Variants in SI observed in about 807,000 individuals in gnomAD.
SI encodes sucrase-isomaltase.
In SI, 235 loss-of-function variants were observed where a neutral mutation model predicts 253.3. That is an observed-to-expected ratio of 0.93 (90% confidence interval 0.83 to 1.03). The LOEUF is 1.03. Among genes scored for constraint, SI ranks in the 50% least tolerant of loss-of-function variants. The probability of loss-of-function intolerance (pLI) is 0.00; values close to 1 mark genes in which losing one functional copy is unlikely to be tolerated. For synonymous variants in SI, 819 were observed against 712.0 expected (o/e 1.15, Z -2.39); for missense variants, 2,442 against 2,211.1 (o/e 1.10, Z -2.09).
At chr3:165,039,454 T>C (rs926403679) in intron 19 of SI, among the ~76,000 whole-genome samples, 47 of 152,108 alleles carry the variant, frequency 3.1e-4, no homozygotes, top group Non-Finnish European at 1.3e-4. Context: ...AATGGACACA[T>C]GCACCTTTTA....
the SI span, among the ~76,000 whole-genome samples, chr3:165,089,172 A>C: frequency 1.3e-5 from 2 of 151,856 alleles, no homozygotes; most frequent in Non-Finnish European, 2.9e-5. Context: ...GGCAAATTTA[A>C]ATCAGAAGAT....
At chr3:165,001,574 A>G (rs1258826267) in intron 37 of SI, among the ~76,000 whole-genome samples, 1 of 151,472 alleles carries the variant, frequency 6.6e-6, no homozygotes, top group African/African-American at 2.4e-5. Context: ...TATATCATGG[A>G]AAGAGTTTTA....
intron 46 of SI, 85 bp from the exon 47 acceptor site, chr3:164,982,495 T>C: frequency 2.1e-6 from 2 of 944,712 alleles, no homozygotes; most frequent in Non-Finnish European, 3.4e-6. Flanking sequence ...TAACCAAAAA[T>C]GTATTTCGTA....
chr3:165,070,815 A>G (rs1294308352), intron 3 of SI, among the ~76,000 whole-genome samples: 1 of 152,104 alleles, frequency 6.6e-6, no homozygotes, highest in East Asian at 1.9e-4. Context: ...GACTTAAAGC[A>G]ACAGAAATTT....
chr3:165,074,003 T>G (rs181435901), intron 3 of SI, among the ~76,000 whole-genome samples: 3 of 152,002 alleles, frequency 2.0e-5, no homozygotes, highest in Non-Finnish European at 4.4e-5. Flanking sequence ...CCACACAGGT[T>G]TGTGGGGAAA....
chr3:165,014,320 C>A (rs1718923134), intron 33 of SI, among the ~76,000 whole-genome samples: 1 of 152,034 alleles, frequency 6.6e-6, no homozygotes, highest in African/African-American at 2.4e-5. Context: ...TCGATCTTGG[C>A]TCACTGCAAG....
intron 26 of SI, among the ~76,000 whole-genome samples, 166 bp downstream of exon 26, chr3:165,023,404 G>A (rs1193475094): frequency 6.6e-6 from 1 of 151,266 alleles, no homozygotes; most frequent in African/African-American, 2.4e-5. Flanking sequence ...TTCATTTATT[G>A]GGCACCTAGC....
Position 165,074,685 on chromosome 3 carries a change from T to G in SI, c.119-18A>C, listed in dbSNP as rs762733557. 1.3e-6 allele frequency: 2 copies of G among 1,595,468 alleles called. No homozygotes were observed. Among genetic ancestry groups the G allele is most frequent in the South Asian group, 2.2e-5 (2 of 90,558 alleles). On this transcript the variant is annotated intron_variant, in intron 2 of 47. Coordinates refer to ENST00000264382, the MANE Select transcript of SI (RefSeq NM_001041.4). Reference sequence around the variant, plus strand: ...ACTAATTTCTGGGGGAGGAAAAAACTCAATAAAATAAAACATGACATTAAA... The same window carrying G: ...ACTAATTTCTGGGGGAGGAAAAAACGCAATAAAATAAAACATGACATTAAA...
rs776124025 is a variant in SI at position 165,078,483 on chromosome 3, G to T, written c.-51C>A. ...CTATGTTGTACCAGACTTGGATAAG[G>T]CTGCCAAAATAATGATCAAGGAAAG... is the stretch of plus-strand genomic sequence containing the variant. On this transcript the variant is annotated 5_prime_UTR_variant, in exon 1 of 48. Coordinates refer to ENST00000264382, the MANE Select transcript of SI (RefSeq NM_001041.4). The T allele has an allele frequency of 6.6e-6, 1 of 151,900 alleles. No homozygotes were observed. The highest frequency in any genetic ancestry group is 1.5e-5 in the Non-Finnish European group (1 of 67,634). The allele number at this position is 151,900 out of a possible 1,614,324, so 9.4% of individuals were successfully genotyped here.
At chr3:165,001,186 A>G (rs1025817690) in intron 37 of SI, among the ~76,000 whole-genome samples, 13 of 151,372 alleles carry the variant, frequency 8.6e-5, no homozygotes, top group African/African-American at 3.1e-4. Flanking sequence ...CATTTTCCAA[A>G]CACTTCTATC....
chr3:165,024,493 T>A (rs1229859863), intron 25 of SI, among the ~76,000 whole-genome samples: 1 of 151,212 alleles, frequency 6.6e-6, no homozygotes, highest in Non-Finnish European at 1.5e-5. Flanking sequence ...TGAGTCCTCA[T>A]AAAAGCTCTT....
At chr3:165,050,185 C>A (rs543344598) in intron 13 of SI, among the ~76,000 whole-genome samples, 14 of 151,978 alleles carry the variant, frequency 9.2e-5, no homozygotes, top group African/African-American at 3.4e-4. Flanking sequence ...ATTATGAGTC[C>A]ATTAATATAC....
At position 164,996,696 on chromosome 3, in the gene SI, A is replaced by G. The variant is rs200559542; in HGVS notation, c.4575+42T>C. 1.4e-4 allele frequency: 178 copies of G among 1,277,842 alleles called. No homozygotes were observed. The African/African-American group carries it at 2.4e-3, about 17-fold the overall frequency. The allele number at this position is 1,277,842 out of a possible 1,614,324, so 79.2% of individuals were successfully genotyped here. A position where few individuals can be genotyped will look rare whatever the true frequency, so the allele number is the denominator to read the frequency against. On this transcript the variant is annotated intron_variant, in intron 39 of 47. Coordinates refer to ENST00000264382, the MANE Select transcript of SI (RefSeq NM_001041.4). ...TTAGTTAAATTTGAATAGTTTATGA[A>G]TGTTTATAATTTATGAAGATAAAAG...
chr3:165,010,927 A>G (rs1200711841), intron 34 of SI, among the ~76,000 whole-genome samples: 1 of 152,140 alleles, frequency 6.6e-6, no homozygotes, highest in Non-Finnish European at 1.5e-5. Context: ...TTTTTTCCTC[A>G]ATGACATAGT....
chr3:165,062,642 GA>G (rs1235552498), intron 8 of SI, among the ~76,000 whole-genome samples, 159 bp from the exon 9 acceptor site: 1 of 151,762 alleles, frequency 6.6e-6, no homozygotes, highest in East Asian at 1.9e-4. Flanking sequence ...AATAACATAG[GA>G]AAAAAGTAAA....
intron 31 of SI, among the ~76,000 whole-genome samples, chr3:165,017,151 A>T (rs1456811523): frequency 6.6e-6 from 1 of 151,942 alleles, no homozygotes; most frequent in Non-Finnish European, 1.5e-5. Flanking sequence ...GGCAAAAAAA[A>T]AATTAGTTCC....
the SI span, among the ~76,000 whole-genome samples, chr3:165,085,642 G>T: frequency 6.6e-6 from 1 of 152,074 alleles, no homozygotes; most frequent in Admixed American, 6.6e-5. Flanking sequence ...ATAAATGAAA[G>T]AATAATATTC....
intron 3 of SI, among the ~76,000 whole-genome samples, chr3:165,070,986 A>G (rs1391995887): frequency 6.6e-6 from 1 of 151,774 alleles, no homozygotes; most frequent in Non-Finnish European, 1.5e-5. Flanking sequence ...GCCTTTTTCC[A>G]ATTTTTGCTT....
chr3:165,068,953 A>G, intron 4 of SI, 122 bp from the exon 5 acceptor site: 7 of 1,007,844 alleles, frequency 6.9e-6, no homozygotes, highest in Middle Eastern at 2.6e-4. Context: ...ACAATCATGC[A>G]AAAATAAGGA....
Sources: gnomAD v4.1 joint callset for allele counts (sites outside exome capture counted in the v4.1 genomes callset) on GRCh38, gnomAD v4.1.1 for gene constraint, MANE v1.5 for transcripts, NCBI Gene and HGNC (gene_info 2026-07-23, HGNC 2026-07-21) for gene names.